Variants in RALGAPA2 observed in about 807,000 individuals in gnomAD.
RALGAPA2 encodes Ral GTPase activating protein catalytic subunit alpha 2.
Under a neutral mutation model 230.4 loss-of-function variants are expected in RALGAPA2, and 139 were observed. That is an observed-to-expected ratio of 0.60 (90% confidence interval 0.53 to 0.69). RALGAPA2 has a LOEUF of 0.69. Among genes scored for constraint, RALGAPA2 ranks in the 30% least tolerant of loss-of-function variants. The pLI, the probability that RALGAPA2 is intolerant of heterozygous loss-of-function variation, is 0.00. For missense variants in RALGAPA2, 2,163 were observed against 2,276.0 expected (o/e 0.95, Z 1.01); for synonymous variants, 847 against 837.8 (o/e 1.01, Z -0.19).
chr20:20,424,551 C>T (rs535888348), intron 37 of RALGAPA2, among the ~76,000 whole-genome samples: 3 of 152,282 alleles, frequency 2.0e-5, no homozygotes, highest in African/African-American at 4.8e-5. Context: ...GATTTTCACT[C>T]GTCCTAAAGA....
intron 23 of RALGAPA2, among the ~76,000 whole-genome samples, chr20:20,565,426 A>C (rs936950951): frequency 7.2e-5 from 11 of 152,190 alleles, no homozygotes; most frequent in African/African-American, 2.7e-4. Flanking sequence ...GCCAATTTAC[A>C]AGTATCACCC....
At chr20:20,522,147 T>C (rs1444437014) in intron 30 of RALGAPA2, among the ~76,000 whole-genome samples, 1 of 151,810 alleles carries the variant, frequency 6.6e-6, no homozygotes, top group East Asian at 1.9e-4. Context: ...CTAGCACAAC[T>C]ACTTTGGAAA....
At chr20:20,657,743 C>T (rs2090362339) in intron 3 of RALGAPA2, among the ~76,000 whole-genome samples, 5 of 152,120 alleles carry the variant, frequency 3.3e-5, no homozygotes, top group Admixed American at 1.3e-4. Flanking sequence ...GACCTGGCAG[C>T]CCAGCTACAT....
At chr20:20,551,821 A>G (rs570360175) in intron 23 of RALGAPA2, among the ~76,000 whole-genome samples, 2 of 152,360 alleles carry the variant, frequency 1.3e-5, no homozygotes, top group African/African-American at 4.8e-5. Context: ...ATAAATGTGT[A>G]AAATAATTTT....
intron 1 of RALGAPA2, 119 bp from the exon 2 acceptor site, chr20:20,680,920 C>G: frequency 7.0e-7 from 1 of 1,434,152 alleles, no homozygotes; most frequent in African/African-American, 1.5e-5. Context: ...TAAGACAATA[C>G]AAAACAAAAC....
chr20:20,399,465 T>C (rs1309421688), intron 38 of RALGAPA2, among the ~76,000 whole-genome samples: 1 of 151,436 alleles, frequency 6.6e-6, no homozygotes, highest in African/African-American at 2.4e-5. Context: ...TATCTAAGAG[T>C]AGTTGAGTGA....
At position 20,503,467 on chromosome 20, in the gene RALGAPA2, G is replaced by A. The variant is rs2062438039; in HGVS notation, c.5092C>T (p.Gln1698Ter). ...STHCGFMGGLQRNGSTGQTAP... is the reference protein window; with the variant it reads ...STHCGFMGGL ...GTCTGCCCGGTGCTGCCATTGCGCT[G>A]AAGGCCACCCATGAACCCACAGTGG... is the stretch of plus-strand genomic sequence containing the variant. Residue 1698 changes from glutamine (Q) to a stop codon, truncating the protein, a stop_gained, in exon 35 of 40, where the codon CAG becomes TAG. Transcript: ENST00000202677. LOFTEE classifies it high-confidence loss of function. 6.2e-7 allele frequency: 1 copy of A among 1,603,964 alleles called. No homozygotes were observed. The highest frequency in any genetic ancestry group is 1.3e-5 in the African/African-American group (1 of 74,206).
Position 20,673,577 on chromosome 20 carries a change from G to GA in RALGAPA2, c.270+2658dup, listed in dbSNP as rs542809234. ...ATATAACTTACCAAACTTGAATCAA[G>GA]AAAAAAAAACCAGAAAATATGAATA... On this transcript the variant is annotated intron_variant, in intron 3 of 39. Transcript: ENST00000202677. Among the ~76,000 whole-genome samples, 425 of 148,554 alleles carry GA rather than the reference G, an allele frequency of 2.9e-3. 2 individuals carry two copies. The highest frequency in any genetic ancestry group is 5.1e-3 in the Admixed American group (77 of 15,016).
At chr20:20,457,608 G>A (rs755042680) in intron 37 of RALGAPA2, among the ~76,000 whole-genome samples, 36 of 152,202 alleles carry the variant, frequency 2.4e-4, no homozygotes, top group Non-Finnish European at 3.2e-4. Context: ...GAAAACACCC[G>A]CATGGCTGGC....
intron 4 of RALGAPA2, among the ~76,000 whole-genome samples, chr20:20,653,001 GC>G (rs1035781267): frequency 1.3e-5 from 2 of 151,618 alleles, no homozygotes; most frequent in Non-Finnish European, 2.9e-5. Context: ...AGACAGCCTG[GC>G]CAACATGGTG....
intron 24 of RALGAPA2, among the ~76,000 whole-genome samples, chr20:20,542,981 G>C (rs2063688697): frequency 6.6e-6 from 1 of 151,996 alleles, no homozygotes; most frequent in South Asian, 2.1e-4. Context: ...GCAACCTACA[G>C]AAAGGGAGAA....
At chr20:20,496,211 G>A (rs1054842857) in intron 35 of RALGAPA2, among the ~76,000 whole-genome samples, 1 of 151,588 alleles carries the variant, frequency 6.6e-6, no homozygotes, top group African/African-American at 2.4e-5. Context: ...GACTCCTGGC[G>A]TCTTTGAGGA....
intron 37 of RALGAPA2, among the ~76,000 whole-genome samples, chr20:20,429,969 A>C (rs1456737961): frequency 6.6e-6 from 1 of 152,222 alleles, no homozygotes; most frequent in Non-Finnish European, 1.5e-5. Flanking sequence ...TTCAGGCCTG[A>C]TATTTCATGT....
At chr20:20,711,966 T>G (rs543309005) in intron 1 of RALGAPA2, among the ~76,000 whole-genome samples, 1 of 152,170 alleles carries the variant, frequency 6.6e-6, no homozygotes, top group Non-Finnish European at 1.5e-5. Context: ...ACTTGGGGTC[T>G]CGGTCTACTT....
At chr20:20,705,262 A>G (rs1441897883) in intron 1 of RALGAPA2, among the ~76,000 whole-genome samples, 2 of 152,198 alleles carry the variant, frequency 1.3e-5, no homozygotes, top group East Asian at 3.8e-4. Context: ...GCTGGAGTGC[A>G]GTGGCATGAT....
rs765303386 is a variant in RALGAPA2, at chr20:20,591,316, T to C, written c.2204-2A>G. On this transcript the variant is annotated splice_acceptor_variant, in intron 16 of 39. Transcript: ENST00000202677. LOFTEE classifies it high-confidence loss of function. ...CTGACTGTTGACACTCCTCCACTTC[T>C]GTGAGCATTAACAAAACATGCAAAG... 29 of 1,612,124 alleles carry C rather than the reference T, an allele frequency of 1.8e-5. No individual in the cohort carries two copies. Among genetic ancestry groups the C allele is most frequent in the Non-Finnish European group, 2.3e-5 (27 of 1,178,744 alleles).
chr20:20,692,006 T>G (rs2068930257), intron 1 of RALGAPA2, among the ~76,000 whole-genome samples: 1 of 152,148 alleles, frequency 6.6e-6, no homozygotes, highest in African/African-American at 2.4e-5. Context: ...ACCTCCTCTC[T>G]CTTATCATGT....
At chr20:20,666,655 C>T (rs991050954) in intron 3 of RALGAPA2, among the ~76,000 whole-genome samples, 11 of 152,146 alleles carry the variant, frequency 7.2e-5, no homozygotes, top group African/African-American at 2.4e-4. Context: ...ACTGTGGCAA[C>T]TAGTTAATTG....
intron 36 of RALGAPA2, among the ~76,000 whole-genome samples, chr20:20,478,918 T>C: frequency 6.6e-6 from 1 of 151,912 alleles, no homozygotes; most frequent in East Asian, 1.9e-4. Context: ...GACAGGTCTT[T>C]GGCAAGGTGA....
Sources: allele counts gnomAD v4.1 joint callset (sites outside exome capture counted in the v4.1 genomes callset), GRCh38; gene constraint gnomAD v4.1.1; transcripts MANE v1.5; gene names NCBI Gene and HGNC (gene_info 2026-07-23, HGNC 2026-07-21).